The following LARP4B variants were observed in gnomAD, a reference collection of about 807,000 sequenced individuals.
The protein encoded by LARP4B is La ribonucleoprotein 4B.
In LARP4B, 12 loss-of-function variants were observed where a neutral mutation model predicts 89.8. The ratio of observed to expected loss-of-function variants is 0.13; its 90% confidence interval spans 0.09 to 0.22. The LOEUF (loss-of-function observed/expected upper bound fraction) is 0.22. LARP4B is among the 10% of genes least tolerant of loss of function. LARP4B has a pLI of 1.00. For synonymous variants in LARP4B, 367 were observed against 363.3 expected (o/e 1.01, Z -0.12); for missense variants, 757 against 947.7 (o/e 0.80, Z 2.64).
intron 15 of LARP4B, among the ~76,000 whole-genome samples, chr10:816,797 C>G (rs1229965549): frequency 6.6e-6 from 1 of 152,188 alleles, no homozygotes; most frequent in Non-Finnish European, 1.5e-5. Flanking sequence ...AGACACGTCA[C>G]CTGGCTTTCA....
chr10:819,650 C>T (rs565548560), intron 14 of LARP4B: 5 of 152,380 alleles, frequency 3.3e-5, no homozygotes, highest in Admixed American at 3.3e-4. Flanking sequence ...AACATCACGG[C>T]AGGCACAACA....
rs746887953 is a variant in LARP4B at position 931,689 on chromosome 10, A to T, written c.-301T>A. 3 of 151,656 alleles carry T rather than the reference A, an allele frequency of 2.0e-5. No individual in the cohort carries two copies. Among genetic ancestry groups the T allele is most frequent in the Non-Finnish European group, 4.4e-5 (3 of 67,730 alleles). The allele number at this position is 151,656 out of a possible 1,614,324, so 9.4% of individuals were successfully genotyped here. A position where few individuals can be genotyped will look rare whatever the true frequency, so the allele number is the denominator to read the frequency against. Reference sequence around the variant, plus strand: ...ATCCCCAACGCTCCTTCCCGTTCGCATGAGAACACACAGCTCCCACTTCCG... The same window carrying T: ...ATCCCCAACGCTCCTTCCCGTTCGCTTGAGAACACACAGCTCCCACTTCCG... On this transcript the variant is annotated 5_prime_UTR_variant, in exon 1 of 18. An upstream start codon of the reference 5' UTR is lost. Coordinates refer to ENST00000316157, the MANE Select transcript of LARP4B (RefSeq NM_015155.3).
chr10:864,153 C>G lies in LARP4B; in HGVS notation c.259G>C (p.Ala87Pro). The G allele has an allele frequency of 6.2e-7, 1 of 1,614,192 alleles. No homozygotes were observed. The highest frequency in any genetic ancestry group is 2.2e-5 in the East Asian group (1 of 44,870). Residue 87 changes from alanine to proline, a missense_variant, in exon 4 of 18, where the codon GCT (alanine) becomes CCT (proline). Transcript: ENST00000316157. ...DGVSAAWEEV[A>P]GHHADRGPQG... ...GGGCCACGGTCTGCGTGGTGGCCAG[C>G]CACCTCCTCCCATGCAGCACTCACA...
intron 13 of LARP4B, among the ~76,000 whole-genome samples, chr10:821,109 G>A (rs940310211): frequency 2.0e-5 from 3 of 152,182 alleles, no homozygotes; most frequent in African/African-American, 7.2e-5. Context: ...CAACTCCCTG[G>A]TGCCTCCTTG....
intron 3 of LARP4B, among the ~76,000 whole-genome samples, chr10:884,107 A>G (rs1290507104): frequency 6.6e-6 from 1 of 152,256 alleles, no homozygotes; most frequent in Non-Finnish European, 1.5e-5. Flanking sequence ...TGGTTTAAGG[A>G]ACACAAGCTA....
intron 1 of LARP4B, among the ~76,000 whole-genome samples, chr10:927,407 T>G (rs776871105): frequency 7.9e-5 from 12 of 152,198 alleles, no homozygotes; most frequent in Non-Finnish European, 1.6e-4. Context: ...GAAAAAACTT[T>G]CAAGTTGGAA....
chr10:931,115 G>A (rs1830588754), intron 1 of LARP4B, among the ~76,000 whole-genome samples: 1 of 150,608 alleles, frequency 6.6e-6, no homozygotes, highest in Non-Finnish European at 1.5e-5. Flanking sequence ...CCCGGCCCCG[G>A]CCTTCCCCTG....
intron 3 of LARP4B, among the ~76,000 whole-genome samples, chr10:870,932 C>T (rs1242602206): frequency 2.0e-5 from 3 of 152,188 alleles, no homozygotes; most frequent in Non-Finnish European, 2.9e-5. Flanking sequence ...GTCGTATACT[C>T]GGTGTGTTTC....
chr10:857,806 AG>A (rs995159867), intron 5 of LARP4B, among the ~76,000 whole-genome samples: 1 of 152,220 alleles, frequency 6.6e-6, no homozygotes, highest in Non-Finnish European at 1.5e-5. Flanking sequence ...TGTCCTCTCC[AG>A]GATCTATCCT....
intron 1 of LARP4B, among the ~76,000 whole-genome samples, chr10:919,132 A>C (rs1465675777): frequency 6.6e-6 from 1 of 152,222 alleles, no homozygotes; most frequent in Non-Finnish European, 1.5e-5. Context: ...GTTTAACAGT[A>C]ATTATTCAAC....
the LARP4B span, among the ~76,000 whole-genome samples, chr10:954,755 G>A: frequency 6.6e-6 from 1 of 150,752 alleles, no homozygotes; most frequent in Non-Finnish European, 1.5e-5. The surrounding 1 kb of genome is among the most constrained non-coding windows in gnomAD (Gnocchi z 5.0). Context: ...CACTTCCCAG[G>A]ACAGCTCCCA....
intron 3 of LARP4B, among the ~76,000 whole-genome samples, chr10:870,383 C>G (rs959107855): frequency 7.2e-5 from 11 of 152,218 alleles, no homozygotes; most frequent in African/African-American, 2.7e-4. Flanking sequence ...GTGGCCACTA[C>G]TTGGTACAAT....
chr10:969,499 G>A, the LARP4B span, among the ~76,000 whole-genome samples: 7 of 152,278 alleles, frequency 4.6e-5, no homozygotes, highest in African/African-American at 1.7e-4. Flanking sequence ...GGAGGCAGAG[G>A]TGGATAGATT....
Position 832,023 on chromosome 10 carries a change from T to C in LARP4B, c.751-1046A>G, listed in dbSNP as rs1027240547. The stretch of plus-strand genomic sequence containing the variant: ...GAGCATATTAAATATATATGGAAGA[T>C]TGTTTTTATTTTTTATTTTTTTTTA... On this transcript the variant is annotated intron_variant, in intron 8 of 17. Transcript: ENST00000316157. 3.9e-5 allele frequency among the ~76,000 whole-genome samples: 6 copies of C among 152,238 alleles called. 1 individual carries two copies. In the East Asian group the frequency reaches 7.7e-4, roughly 20 times the overall value.
At chr10:942,271 G>T in the LARP4B span, 3 of 152,212 alleles carry the variant, frequency 2.0e-5, no homozygotes, top group African/African-American at 4.8e-5. Context: ...GAATATGGGG[G>T]TGTTGTAGGG....
chr10:859,941 C>A (rs1834509843), intron 5 of LARP4B, among the ~76,000 whole-genome samples: 1 of 151,328 alleles, frequency 6.6e-6, no homozygotes, highest in Non-Finnish European at 1.5e-5. Flanking sequence ...TCTGATGCTA[C>A]AATGGAGGGT....
chr10:957,082 A>C, the LARP4B span, among the ~76,000 whole-genome samples: 4 of 152,216 alleles, frequency 2.6e-5, no homozygotes, highest in African/African-American at 9.6e-5. Context: ...CTCACTGTTC[A>C]GAAGCACTTT....
chr10:825,302 G>C lies in LARP4B; in HGVS notation c.1247C>G (p.Ser416Cys). ...ACTAGGAATCGCATGCCGCAGATGAGATTTACTAGGATTCCTGTAAATAAA... is the reference window on the plus strand; with the variant it reads ...ACTAGGAATCGCATGCCGCAGATGACATTTACTAGGATTCCTGTAAATAAA... ...YPPRSRNPSK[S>C]HLRHAIPSAE... Residue 416 changes from serine to cysteine, a missense_variant, in exon 13 of 18, where the codon TCT (serine) becomes TGT (cysteine). Around this residue, in one of 5 missense-constraint regions of LARP4B, gnomAD observed 387 missense variants for 423.6 expected, o/e 0.91. Coordinates refer to ENST00000316157, the MANE Select transcript of LARP4B (RefSeq NM_015155.3). 1.9e-6 allele frequency: 3 copies of C among 1,613,392 alleles called. No individual in the cohort carries two copies. The highest frequency in any genetic ancestry group is 2.5e-6 in the Non-Finnish European group (3 of 1,179,390).
At position 901,689 on chromosome 10, in the gene LARP4B, G is replaced by A. The variant is rs146346548; in HGVS notation, c.-39-15929C>T. Reference sequence around the variant, plus strand: ...AAGAAATGCGTCCAATCTCAGTAGAGTAGTTGTTTATACATTTAAACTGGC... The same window carrying A: ...AAGAAATGCGTCCAATCTCAGTAGAATAGTTGTTTATACATTTAAACTGGC... On this transcript the variant is annotated intron_variant, in intron 1 of 17. Transcript: ENST00000316157. Among the ~76,000 whole-genome samples the A allele has an allele frequency of 6.6e-5, 10 of 152,278 alleles. No homozygotes were observed. In the East Asian group the frequency reaches 1.9e-3, roughly 29 times the overall value.
Sources: allele counts gnomAD v4.1 joint callset (sites outside exome capture counted in the v4.1 genomes callset), GRCh38; gene constraint gnomAD v4.1.1; regional missense constraint gnomAD v4.1.1; non-coding constraint Gnocchi (gnomAD v3.1); transcripts MANE v1.5; gene names NCBI Gene and HGNC (gene_info 2026-07-23, HGNC 2026-07-21).